Variants in MRO observed in about 807,000 individuals in gnomAD.
MRO encodes the protein protein maestro.
Under a neutral mutation model 31.0 loss-of-function variants are expected in MRO, and 28 were observed. The ratio of observed to expected loss-of-function variants is 0.90; its 90% confidence interval spans 0.67 to 1.24. The LOEUF (loss-of-function observed/expected upper bound fraction) is 1.24. Among genes scored for constraint, MRO ranks in the 50% most tolerant of loss-of-function variants. MRO has a pLI of 0.00. For synonymous variants in MRO, 108 were observed against 108.4 expected (o/e 1.00, Z 0.02); for missense variants, 332 against 289.2 (o/e 1.15, Z -1.07).
At chr18:50,806,444 G>C (rs549866395) in intron 4 of MRO, among the ~76,000 whole-genome samples, 1 of 152,176 alleles carries the variant, frequency 6.6e-6, no homozygotes. Flanking sequence ...CTTCAGGAAG[G>C]AATGCAGTCT....
intron 2 of MRO, among the ~76,000 whole-genome samples, chr18:50,812,878 G>A (rs1033781104): frequency 6.6e-6 from 1 of 152,142 alleles, no homozygotes; most frequent in Non-Finnish European, 1.5e-5. Flanking sequence ...GGGAGACCCA[G>A]GCATCAGTAT....
At position 50,795,992 on chromosome 18, in the gene MRO, G is replaced by A. The variant is rs1384886814; in HGVS notation, c.*3345C>T. The A allele has an allele frequency of 6.6e-6, 1 of 152,038 alleles. No individual in the cohort carries two copies. Among genetic ancestry groups the A allele is most frequent in the African/African-American group, 2.4e-5 (1 of 41,396 alleles). The allele number at this position is 152,038 out of a possible 1,614,324, so 9.4% of individuals were successfully genotyped here. On this transcript the variant is annotated 3_prime_UTR_variant, in exon 8 of 8. Coordinates refer to ENST00000398439, the MANE Select transcript of MRO (RefSeq NM_031939.6). The stretch of plus-strand genomic sequence containing the variant: ...TATCTCATGAGCACCAGAGACACAG[G>A]GACCAAGCAAAGCTCTACCCTGGGC...
intron 2 of MRO, among the ~76,000 whole-genome samples, chr18:50,810,295 A>G (rs1914366911): frequency 6.6e-6 from 1 of 152,244 alleles, no homozygotes; most frequent in African/African-American, 2.4e-5. Flanking sequence ...ATACAACTTT[A>G]CAACGACTGC....
intron 3 of MRO, among the ~76,000 whole-genome samples, chr18:50,807,638 C>T (rs1238042124): frequency 6.6e-6 from 1 of 152,046 alleles, no homozygotes; most frequent in South Asian, 2.1e-4. Context: ...AACATTTCAG[C>T]ACTGATGTAG....
upstream of MRO, chr18:50,823,584 G>T (rs954945517): frequency 6.6e-6 from 1 of 152,138 alleles, no homozygotes; most frequent in African/African-American, 2.4e-5. Context: ...AAAATGGTTT[G>T]CCTATCCCTT....
Sources: allele counts gnomAD v4.1 joint callset (sites outside exome capture counted in the v4.1 genomes callset), GRCh38; gene constraint gnomAD v4.1.1; transcripts MANE v1.5; gene names NCBI Gene and HGNC (gene_info 2026-07-23, HGNC 2026-07-21).